Variants in ARHGAP22 observed in about 807,000 individuals in gnomAD.
The protein encoded by ARHGAP22 is rho GTPase-activating protein 22.
Under a neutral mutation model 59.1 loss-of-function variants are expected in ARHGAP22, and 48 were observed. The ratio of observed to expected loss-of-function variants is 0.81; its 90% confidence interval spans 0.64 to 1.03. The LOEUF (loss-of-function observed/expected upper bound fraction) is 1.03, where lower values mean the gene tolerates loss of function less well. ARHGAP22 is among the 50% of genes least tolerant of loss of function. The pLI is 0.00. For synonymous variants in ARHGAP22, 445 were observed against 416.4 expected (o/e 1.07, Z -0.84); for missense variants, 1,015 against 958.7 (o/e 1.06, Z -0.78).
upstream of ARHGAP22, among the ~76,000 whole-genome samples, chr10:48,654,941 C>T (rs1464556264): frequency 9.6e-6 from 1 of 104,152 alleles, no homozygotes; most frequent in Non-Finnish European, 2.1e-5. Flanking sequence ...TTCTCTCTCT[C>T]TTTCTTTCTC....
chr10:48,487,676 C>G (rs2049989255), intron 3 of ARHGAP22, among the ~76,000 whole-genome samples: 1 of 152,196 alleles, frequency 6.6e-6, no homozygotes, highest in African/African-American at 2.4e-5. Context: ...CTACTGACAC[C>G]TTGATTTAAG....
In ARHGAP22 at chr10:48,513,843, C is replaced by A. The variant is rs577492184; in HGVS notation, c.323-34079G>T. 1.7e-3 allele frequency among the ~76,000 whole-genome samples: 262 copies of A among 152,144 alleles called. 2 individuals are homozygous for A. The highest frequency in any genetic ancestry group is 3.1e-3 in the Non-Finnish European group (211 of 67,978). ...TGTTATACTTACTAGATAAAGTCTT[C>A]AAATCAGCTACTGTAAATATGTTCA... On this transcript the variant is annotated intron_variant, in intron 3 of 9. Coordinates refer to ENST00000249601, the MANE Select transcript of ARHGAP22 (RefSeq NM_021226.4).
chr10:48,563,187 A>ATTTTTTTTTTTTTTTTTTT (rs558735630), intron 2 of ARHGAP22, among the ~76,000 whole-genome samples: 2 of 104,214 alleles, frequency 1.9e-5, no homozygotes, highest in Non-Finnish European at 3.7e-5. Flanking sequence ...ATCCAGGATA[A>ATTTTTTTTTTTTTTTTTTT]TTTTTTTTTT....
At chr10:48,505,812 G>A (rs4838414) in intron 3 of ARHGAP22, among the ~76,000 whole-genome samples, 33,679 of 152,022 alleles carry the variant, frequency 0.22, 6,319 homozygotes, top group East Asian at 0.59. Flanking sequence ...TAAGGAGCCT[G>A]TAAGGGCTGG....
intron 3 of ARHGAP22, among the ~76,000 whole-genome samples, chr10:48,505,349 A>T (rs949481081): frequency 6.6e-6 from 1 of 152,204 alleles, no homozygotes; most frequent in African/African-American, 2.4e-5. Flanking sequence ...ATAAATAAAA[A>T]TCAGTCTGTA....
chr10:48,640,459 A>G (rs2061998160), intron 1 of ARHGAP22, among the ~76,000 whole-genome samples: 1 of 152,200 alleles, frequency 6.6e-6, no homozygotes, highest in Non-Finnish European at 1.5e-5. Context: ...AGTCAAAGAG[A>G]AAATCTTGAA....
chr10:48,602,905 G>GGAGGGTGAATAGGAATTA (rs1216171788), intron 1 of ARHGAP22, among the ~76,000 whole-genome samples: 1 of 152,206 alleles, frequency 6.6e-6, no homozygotes, highest in Non-Finnish European at 1.5e-5. Flanking sequence ...TACTATAACT[G>GGAGGGTGAATAGGAATTA]GAGGGTGAAT....
chr10:48,450,111 G>C, intron 9 of ARHGAP22, 150 bp downstream of exon 9: 1 of 1,210,752 alleles, frequency 8.3e-7, no homozygotes, highest in African/African-American at 1.5e-5. Context: ...GCCAGTCCTA[G>C]GGCTTTCCCA....
chr10:48,593,433 T>A lies in ARHGAP22; in HGVS notation c.35-10281A>T, dbSNP rs578220637. 2.0e-5 allele frequency among the ~76,000 whole-genome samples: 3 copies of A among 152,372 alleles called. No homozygotes were observed. In the South Asian group the frequency reaches 6.2e-4, roughly 32 times the overall value. On this transcript the variant is annotated intron_variant, in intron 1 of 9. Transcript: ENST00000249601. ...AAACTGCAGGTAGTACTGAACCCTGTATACAGTTTTTCCTATACATACATA... is the reference window on the plus strand; with the variant it reads ...AAACTGCAGGTAGTACTGAACCCTGAATACAGTTTTTCCTATACATACATA...
chr10:48,641,726 T>C (rs1345406509), intron 1 of ARHGAP22, among the ~76,000 whole-genome samples: 3 of 152,170 alleles, frequency 2.0e-5, no homozygotes, highest in Admixed American at 1.3e-4. Context: ...TTCAACATAG[T>C]GTTGGAAGTT....
intron 8 of ARHGAP22, chr10:48,451,429 G>T (rs1400643909): frequency 1.4e-6 from 1 of 703,544 alleles, no homozygotes; most frequent in East Asian, 2.7e-5. Flanking sequence ...GGGTGAGGAA[G>T]CAGGCACCAA....
At chr10:48,473,989 C>T (rs953450612) in intron 4 of ARHGAP22, among the ~76,000 whole-genome samples, 1 of 152,222 alleles carries the variant, frequency 6.6e-6, no homozygotes, top group Non-Finnish European at 1.5e-5. Flanking sequence ...ATGCATCCTT[C>T]TGGGGCTGCG....
At chr10:48,531,176 A>G (rs1028404836) in intron 3 of ARHGAP22, among the ~76,000 whole-genome samples, 2 of 152,262 alleles carry the variant, frequency 1.3e-5, no homozygotes, top group Admixed American at 1.3e-4. Context: ...CAGGAATGGA[A>G]AAGCAAACAT....
At chr10:48,564,379 A>G (rs1021714445) in intron 2 of ARHGAP22, among the ~76,000 whole-genome samples, 4 of 152,214 alleles carry the variant, frequency 2.6e-5, no homozygotes, top group Admixed American at 1.3e-4. Flanking sequence ...CAGAAAAATA[A>G]TTTTAATACA....
chr10:48,494,137 C>T (rs1407097093), intron 3 of ARHGAP22, among the ~76,000 whole-genome samples: 1 of 151,786 alleles, frequency 6.6e-6, no homozygotes, highest in Admixed American at 6.6e-5. Flanking sequence ...ACTTGGTAAG[C>T]ACCTCCGTAT....
intron 2 of ARHGAP22, among the ~76,000 whole-genome samples, chr10:48,565,644 A>G (rs1171384934): frequency 1.3e-5 from 2 of 152,228 alleles, no homozygotes; most frequent in African/African-American, 4.8e-5. Flanking sequence ...GAACACAGAC[A>G]GGTGTGTTCC....
chr10:48,520,097 G>T (rs1369942030), intron 3 of ARHGAP22, among the ~76,000 whole-genome samples: 1 of 152,196 alleles, frequency 6.6e-6, no homozygotes, highest in Non-Finnish European at 1.5e-5. Context: ...AGAGGGCAGG[G>T]TCGAGAGCCA....
At chr10:48,582,235 G>C (rs185724757) in intron 2 of ARHGAP22, among the ~76,000 whole-genome samples, 1 of 152,126 alleles carries the variant, frequency 6.6e-6, no homozygotes. Flanking sequence ...GCAGCTTTTC[G>C]GACAAGTCCT....
rs142359268 is a variant in ARHGAP22 at position 48,450,833 on chromosome 10, G to A, written c.1296C>T (p.Phe432=). The A allele has an allele frequency of 6.3e-7, 1 of 1,588,930 alleles. No homozygotes were observed. The highest frequency in any genetic ancestry group is 1.7e-5 in the Admixed American group (1 of 57,774). Residue 432 remains phenylalanine (F), a synonymous_variant, in exon 9 of 10, where the codon TTC becomes TTT. Coordinates refer to ENST00000249601, the MANE Select transcript of ARHGAP22 (RefSeq NM_021226.4). ...VQTLPSWKSS[F]RQPRSLSGSP... ...TTCCCGATAGGGACCTCGGCTGCCG[G>A]AAGGAGGACTTCCAACTGGGCAGGG...
Sources: allele counts gnomAD v4.1 joint callset (sites outside exome capture counted in the v4.1 genomes callset), GRCh38; gene constraint gnomAD v4.1.1; transcripts MANE v1.5; gene names NCBI Gene and HGNC (gene_info 2026-07-23, HGNC 2026-07-21).